RAPGEF6: variants seen among roughly 807,000 people sequenced by gnomAD.
RAPGEF6 encodes PDZ domain containing guanine nucleotide exchange factor (GEF) 2.
RAPGEF6 carries 56 observed loss-of-function variants against 171.4 expected under a neutral mutation model. The observed-to-expected ratio is 0.33, with a 90% CI of 0.26 to 0.41. The LOEUF is 0.41. Ranked by LOEUF, RAPGEF6 falls within the 10% of genes least tolerant of loss-of-function variation. The pLI is 1.00. For missense variants in RAPGEF6, 1,674 were observed against 1,921.4 expected, an observed-to-expected ratio of 0.87 and a Z score of 2.41; for synonymous variants, 692 against 650.1, an observed-to-expected ratio of 1.06 and a Z score of -0.98.
Position 131,453,037 on chromosome 5 carries a change from A to G in RAPGEF6, c.3200+17T>C, listed in dbSNP as rs746790567. The G allele has an allele frequency of 3.7e-6, 6 of 1,604,538 alleles. No homozygotes were observed. The Admixed American group carries it at 6.8e-5, about 18-fold the overall frequency. On this transcript the variant is annotated intron_variant, in intron 21 of 27. Transcript: ENST00000509018. The stretch of plus-strand genomic sequence containing the variant: ...CTTGATACCACTCTAACACTTTTAC[A>G]TATTTCAATGTCCTACCTCTGTCGA...
intron 23 of RAPGEF6, among the ~76,000 whole-genome samples, chr5:131,441,688 A>C (rs1054804500): frequency 6.6e-6 from 1 of 152,112 alleles, no homozygotes; most frequent in Non-Finnish European, 1.5e-5. Flanking sequence ...AAGGAGGGGG[A>C]ATTTCTTATT....
intron 4 of RAPGEF6, among the ~76,000 whole-genome samples, chr5:131,581,662 C>G (rs552246075): frequency 1.3e-5 from 2 of 152,140 alleles, no homozygotes; most frequent in African/African-American, 4.8e-5. Flanking sequence ...GTTTTCACTA[C>G]TCTTTTTCAT....
intron 5 of RAPGEF6, among the ~76,000 whole-genome samples, chr5:131,549,378 A>C (rs748437173): frequency 6.6e-6 from 1 of 152,130 alleles, no homozygotes; most frequent in Non-Finnish European, 1.5e-5. Context: ...GTGCCCCCTT[A>C]TCTGAGGGGG....
Position 131,428,991 on chromosome 5 carries a change from G to C in RAPGEF6, c.4691C>G (p.Ser1564Trp). ...LSSNLVACVPSKIVTQPQRHN... is the reference protein window; with the variant it reads ...LSSNLVACVPWKIVTQPQRHN... ...CCTCTGAGGCTGAGTTACAATCTTC[G>C]ATGGAACACAGGCCACGAGGTTGCT... The change falls in exon 27 of 28, where the codon TCG becomes TGG. Residue 1564 changes from serine to tryptophan, a missense_variant. This residue lies in a region of RAPGEF6 where 552 missense variants were observed against 574.2 expected (regional missense o/e 0.96). Coordinates refer to ENST00000509018, the MANE Select transcript of RAPGEF6 (RefSeq NM_016340.6). 5 of 1,614,170 alleles carry C rather than the reference G, an allele frequency of 3.1e-6. No homozygotes were observed. The highest frequency in any genetic ancestry group is 2.2e-5 in the South Asian group (2 of 91,082).
intron 4 of RAPGEF6, among the ~76,000 whole-genome samples, chr5:131,570,053 A>AG (rs1762184528): frequency 6.7e-6 from 1 of 149,390 alleles, no homozygotes; most frequent in East Asian, 1.9e-4. Context: ...AAAAAAAAAA[A>AG]AAAAAAAAAA....
chr5:131,434,345 T>C (rs1412644828), intron 24 of RAPGEF6, among the ~76,000 whole-genome samples: 1 of 152,222 alleles, frequency 6.6e-6, no homozygotes, highest in African/African-American at 2.4e-5. Context: ...TGGGCTCAAG[T>C]GGTCCTCTTG....
At chr5:131,497,628 T>G (rs969032154) in intron 12 of RAPGEF6, among the ~76,000 whole-genome samples, 4 of 152,234 alleles carry the variant, frequency 2.6e-5, no homozygotes, top group Admixed American at 2.6e-4. Flanking sequence ...TTTATTTTCT[T>G]GGCAACCAAG....
chr5:131,580,113 C>T (rs892973111), intron 4 of RAPGEF6, among the ~76,000 whole-genome samples: 7 of 98,782 alleles, frequency 7.1e-5, no homozygotes, highest in Admixed American at 7.0e-4. Flanking sequence ...AGGCTCGGGC[C>T]GCGTGGGAGC....
intron 5 of RAPGEF6, among the ~76,000 whole-genome samples, chr5:131,549,984 C>T (rs1458545518): frequency 2.0e-5 from 3 of 152,082 alleles, no homozygotes; most frequent in Admixed American, 6.6e-5. Flanking sequence ...ATGTGGAAAG[C>T]GAAACTGCAG....
intron 26 of RAPGEF6, among the ~76,000 whole-genome samples, chr5:131,430,325 A>T (rs1377459200): frequency 6.6e-6 from 1 of 152,226 alleles, no homozygotes; most frequent in African/African-American, 2.4e-5. Flanking sequence ...TACTAAAAAA[A>T]AAAGTTTACT....
chr5:131,505,852 T>G (rs1314173258), intron 9 of RAPGEF6, among the ~76,000 whole-genome samples: 1 of 152,224 alleles, frequency 6.6e-6, no homozygotes, highest in Non-Finnish European at 1.5e-5. Context: ...GGGTAAATTA[T>G]TTAACCTCTC....
At position 131,472,618 on chromosome 5, in the gene RAPGEF6, G is replaced by A. The variant is rs1754826580; in HGVS notation, c.2208C>T (p.Thr736=). Residue 736 remains threonine (T), a synonymous_variant, in exon 17 of 28, where the codon ACC becomes ACT. Transcript: ENST00000509018. ...GATTGGAAAAATCCAACATACTGGT[G>A]GTAGGCTGCAGGAGATCAGGGCTGC... ...SSSSPDLLQP[T]TSMLDFSNPS... The A allele has an allele frequency of 6.2e-7, 1 of 1,614,074 alleles. No homozygotes were observed. The highest frequency in any genetic ancestry group is 1.3e-5 in the African/African-American group (1 of 75,042).
chr5:131,508,831 T>C (rs1017406941), intron 8 of RAPGEF6, among the ~76,000 whole-genome samples: 1 of 152,204 alleles, frequency 6.6e-6, no homozygotes, highest in Non-Finnish European at 1.5e-5. Context: ...CCATAGGACA[T>C]AGGAATTAGC....
intron 15 of RAPGEF6, 124 bp downstream of exon 15, chr5:131,489,422 A>C (rs1181840920): frequency 1.6e-6 from 1 of 627,764 alleles, no homozygotes; most frequent in Non-Finnish European, 2.8e-6. Context: ...AAAGATTCTG[A>C]AACTAGCTGA....
chr5:131,554,862 A>C (rs550917620), intron 5 of RAPGEF6, among the ~76,000 whole-genome samples: 7 of 152,222 alleles, frequency 4.6e-5, no homozygotes, highest in Non-Finnish European at 2.9e-5. Context: ...AAAAGAAGAG[A>C]CCAAACACCA....
intron 25 of RAPGEF6, among the ~76,000 whole-genome samples, chr5:131,431,877 A>G (rs185458789): frequency 1.3e-5 from 2 of 152,290 alleles, no homozygotes; most frequent in Admixed American, 6.5e-5. Flanking sequence ...GGTCATCACA[A>G]TATTAGACTA....
chr5:131,555,954 C>T (rs769224228), intron 5 of RAPGEF6, among the ~76,000 whole-genome samples: 1 of 152,100 alleles, frequency 6.6e-6, no homozygotes, highest in Non-Finnish European at 1.5e-5. Context: ...GCCTATTGGT[C>T]GTAAGCTACC....
At chr5:131,432,447 T>C (rs921614442) in intron 25 of RAPGEF6, among the ~76,000 whole-genome samples, 4 of 151,924 alleles carry the variant, frequency 2.6e-5, no homozygotes. Context: ...TGAAACCCTG[T>C]CTCTACTAAA....
chr5:131,433,893 ACAGT>A (rs1363484592), intron 24 of RAPGEF6, among the ~76,000 whole-genome samples: 4 of 152,222 alleles, frequency 2.6e-5, no homozygotes, highest in African/African-American at 4.8e-5. Flanking sequence ...CAAGAAAAAG[ACAGT>A]CAAAGTCCAG....
Sources: allele counts gnomAD v4.1 joint callset (sites outside exome capture counted in the v4.1 genomes callset), GRCh38; gene constraint gnomAD v4.1.1; regional missense constraint gnomAD v4.1.1; transcripts MANE v1.5; gene names NCBI Gene and HGNC (gene_info 2026-07-23, HGNC 2026-07-21).